Variants in RARB observed in about 807,000 individuals in gnomAD.
The protein encoded by RARB is HBV-activated protein.
RARB carries 17 observed loss-of-function variants against 51.9 expected under a neutral mutation model. That is an observed-to-expected ratio of 0.33 (90% CI 0.22 to 0.49). The LOEUF (loss-of-function observed/expected upper bound fraction) is 0.49, where lower values mean the gene tolerates loss of function less well. Ranked by LOEUF, RARB falls within the 20% of genes least tolerant of loss-of-function variation. The probability of loss-of-function intolerance (pLI) is 0.99; values close to 1 mark genes in which losing one functional copy is unlikely to be tolerated. For missense variants in RARB, 369 were observed against 550.8 expected (o/e 0.67, Z 3.30); for synonymous variants, 215 against 195.4 (o/e 1.10, Z -0.84).
chr3:25,512,651 T>C (rs1697952654), intron 3 of RARB, among the ~76,000 whole-genome samples: 1 of 152,212 alleles, frequency 6.6e-6, no homozygotes, highest in African/African-American at 2.4e-5. Flanking sequence ...TACTCCTCCT[T>C]GAAGCCACCT....
At chr3:25,570,477 G>A (rs1414062394) in intron 4 of RARB, among the ~76,000 whole-genome samples, 5 of 152,200 alleles carry the variant, frequency 3.3e-5, no homozygotes, top group Admixed American at 6.5e-5. Context: ...AAAGTTTGGG[G>A]TAGGCATGCC....
intron 2 of RARB, among the ~76,000 whole-genome samples, chr3:24,971,000 T>C (rs1332991821): frequency 6.6e-6 from 1 of 152,020 alleles, no homozygotes; most frequent in African/African-American, 2.4e-5. Context: ...TTCATCTTGG[T>C]GCTCCCAGTA....
At chr3:25,216,212 A>G (rs1463644566) in intron 5 of RARB, among the ~76,000 whole-genome samples, 1 of 152,116 alleles carries the variant, frequency 6.6e-6, no homozygotes, top group East Asian at 1.9e-4. Context: ...CCTCCTAAAC[A>G]CAATCCTCTC....
chr3:25,331,098 C>A (rs1037622535), intron 5 of RARB, among the ~76,000 whole-genome samples: 1 of 152,168 alleles, frequency 6.6e-6, no homozygotes, highest in Non-Finnish European at 1.5e-5. Flanking sequence ...ACCCCACTGT[C>A]AACATTAGAC....
chr3:24,888,337 C>T (rs1703303317), intron 2 of RARB, among the ~76,000 whole-genome samples: 1 of 152,124 alleles, frequency 6.6e-6, no homozygotes, highest in Non-Finnish European at 1.5e-5. Context: ...GAATTGAGAT[C>T]AGAAAAGTTG....
At chr3:25,196,830 G>C (rs1448181996) in intron 5 of RARB, among the ~76,000 whole-genome samples, 1 of 152,094 alleles carries the variant, frequency 6.6e-6, no homozygotes, top group Non-Finnish European at 1.5e-5. Flanking sequence ...GTGATAATGA[G>C]CATTTTTTCG....
intron 2 of RARB, among the ~76,000 whole-genome samples, chr3:25,047,647 A>G (rs965691806): frequency 2.0e-5 from 3 of 152,176 alleles, no homozygotes; most frequent in African/African-American, 4.8e-5. Context: ...CTCTCTCTCA[A>G]TCACTCAATA....
intron 2 of RARB, among the ~76,000 whole-genome samples, chr3:25,475,164 A>G (rs910983118): frequency 3.9e-5 from 6 of 152,180 alleles, no homozygotes; most frequent in African/African-American, 1.2e-4. Context: ...GGTTTAAGAT[A>G]CCTAAAAGAG....
At chr3:24,960,801 T>G (rs954149923) in intron 2 of RARB, among the ~76,000 whole-genome samples, 1 of 152,042 alleles carries the variant, frequency 6.6e-6, no homozygotes, top group South Asian at 2.1e-4. Flanking sequence ...ATTGACACTT[T>G]CCTTTTTTAA....
At chr3:25,587,855 G>C (rs1056123896) in intron 5 of RARB, among the ~76,000 whole-genome samples, 3 of 152,240 alleles carry the variant, frequency 2.0e-5, no homozygotes, top group African/African-American at 7.2e-5. Flanking sequence ...TGACCAAGAT[G>C]GTTGAGCAAC....
chr3:25,285,915 C>G (rs534873251), intron 5 of RARB, among the ~76,000 whole-genome samples: 4 of 152,260 alleles, frequency 2.6e-5, no homozygotes, highest in Admixed American at 2.0e-4. Flanking sequence ...TACATCTACA[C>G]ATGCTCAGTA....
intron 2 of RARB, among the ~76,000 whole-genome samples, chr3:24,883,124 C>G (rs1191942942): frequency 6.6e-6 from 1 of 152,058 alleles, no homozygotes; most frequent in Admixed American, 6.6e-5. Flanking sequence ...CAACTCCAGA[C>G]TTGAAACAAC....
At chr3:25,217,890 A>G (rs1316389057) in intron 5 of RARB, among the ~76,000 whole-genome samples, 2 of 152,148 alleles carry the variant, frequency 1.3e-5, no homozygotes, top group Non-Finnish European at 2.9e-5. Flanking sequence ...CAAACTTATG[A>G]GAAATGGAAG....
At chr3:24,872,829 C>A (rs1210079377) in intron 2 of RARB, among the ~76,000 whole-genome samples, 1 of 152,180 alleles carries the variant, frequency 6.6e-6, no homozygotes, top group African/African-American at 2.4e-5. Flanking sequence ...GTATAGACTT[C>A]TCTACCCTAT....
chr3:25,076,590 G>A (rs777147960), intron 3 of RARB, among the ~76,000 whole-genome samples: 45 of 152,106 alleles, frequency 3.0e-4, no homozygotes, highest in Non-Finnish European at 5.3e-4. Flanking sequence ...TTTTCCCAAT[G>A]TAGCTCCACT....
At position 25,157,539 on chromosome 3, in the gene RARB, G is replaced by T. The variant is rs190394606; in HGVS notation, c.-279-16580G>T. Among the ~76,000 whole-genome samples, 4 of 148,464 alleles carry T rather than the reference G, an allele frequency of 2.7e-5. No homozygotes were observed. The East Asian group carries it at 6.1e-4, about 22-fold the overall frequency. On this transcript the variant is annotated intron_variant, in intron 4 of 11. Transcript: ENST00000383772. ...CAGCCTCCAGAGTAACAGGACTACA[G>T]GCGTGAGCCACCAACACCCAGCTAA...
chr3:24,983,013 A>G (rs1444940025), intron 2 of RARB, among the ~76,000 whole-genome samples: 1 of 152,204 alleles, frequency 6.6e-6, no homozygotes, highest in Non-Finnish European at 1.5e-5. Context: ...TATATTAAAT[A>G]TATATTGACT....
At chr3:25,522,906 G>A (rs1178620488) in intron 3 of RARB, among the ~76,000 whole-genome samples, 4 of 152,158 alleles carry the variant, frequency 2.6e-5, no homozygotes, top group Admixed American at 2.6e-4. Flanking sequence ...CACTGGGTGA[G>A]GGACAAATGG....
chr3:25,049,134 T>A (rs2125298766), intron 2 of RARB, among the ~76,000 whole-genome samples: 1 of 152,332 alleles, frequency 6.6e-6, no homozygotes, highest in South Asian at 2.1e-4. Flanking sequence ...TCAGCTGATT[T>A]GGAGAAGTTT....
Sources: allele counts gnomAD v4.1 joint callset (sites outside exome capture counted in the v4.1 genomes callset), GRCh38; gene constraint gnomAD v4.1.1; transcripts MANE v1.5; gene names NCBI Gene and HGNC (gene_info 2026-07-23, HGNC 2026-07-21).